TAF1A: variants seen among roughly 807,000 people sequenced by gnomAD.
TAF1A encodes the protein TATA box-binding protein-associated factor RNA polymerase I subunit A.
A neutral mutation model predicts 61.6 loss-of-function variants in TAF1A; 42 were observed. The observed-to-expected ratio is 0.68, with a 90% CI of 0.53 to 0.88. The LOEUF is 0.88. Ranked by LOEUF, TAF1A falls within the 40% of genes least tolerant of loss-of-function variation. The pLI is 0.00. For missense variants in TAF1A, 424 were observed against 518.7 expected (o/e 0.82, Z 1.77); for synonymous variants, 179 against 177.7 (o/e 1.01, Z -0.06).
chr1:222,570,421 T>A, intron 6 of TAF1A, 114 bp downstream of exon 6: 2 of 1,164,198 alleles, frequency 1.7e-6, no homozygotes, highest in East Asian at 2.5e-5. Flanking sequence ...TTTTGCTTTC[T>A]TTTAAATAAT....
intron 7 of TAF1A, chr1:222,569,077 G>T: frequency 4.5e-6 from 1 of 223,776 alleles, no homozygotes; most frequent in Non-Finnish European, 8.6e-6. Context: ...TGGGGCCATG[G>T]TTGTGGGGAC....
intron 2 of TAF1A, among the ~76,000 whole-genome samples, 181 bp downstream of exon 2, chr1:222,588,262 C>T (rs193021113): frequency 6.6e-6 from 1 of 152,248 alleles, no homozygotes; most frequent in Non-Finnish European, 1.5e-5. Context: ...TACAGACTAT[C>T]TATTATTAAT....
intron 2 of TAF1A, among the ~76,000 whole-genome samples, chr1:222,584,995 T>C (rs2102681353): frequency 6.6e-6 from 1 of 152,354 alleles, no homozygotes; most frequent in South Asian, 2.1e-4. Flanking sequence ...TTAAAACAAT[T>C]AACTTGCAGA....
intron 3 of TAF1A, among the ~76,000 whole-genome samples, chr1:222,582,944 G>A (rs753560504): frequency 4.1e-4 from 63 of 152,188 alleles, no homozygotes; most frequent in Admixed American, 9.8e-4. Flanking sequence ...GCACTTTGGG[G>A]AGGCCGAGGT....
intron 5 of TAF1A, among the ~76,000 whole-genome samples, chr1:222,571,369 G>C (rs1660343700): frequency 6.6e-6 from 1 of 151,936 alleles, no homozygotes; most frequent in Non-Finnish European, 1.5e-5. Flanking sequence ...TTATATTGGT[G>C]GTTCCAGCCA....
rs1297102249 is a variant in TAF1A, at chr1:222,569,630, C to T, written c.774G>A (p.Glu258=). The T allele has an allele frequency of 6.2e-7, 1 of 1,613,704 alleles. No individual in the cohort carries two copies. The highest frequency in any genetic ancestry group is 1.3e-5 in the African/African-American group (1 of 74,892). The change falls in exon 7 of 11, where the codon GAG becomes GAA. Residue 258 remains glutamate, a synonymous_variant. Transcript: ENST00000352967. ...CATCATATGCATAATTGGTGAGTAC[C>T]TCTTGGGCTCCATCTCGATCCCCAT... ...EFYGDRDGAQ[E]VLTNYAYDEK... is the part of the protein sequence containing the mutation.
intron 7 of TAF1A, among the ~76,000 whole-genome samples, chr1:222,565,495 T>C (rs531901248): frequency 2.0e-5 from 3 of 152,376 alleles, no homozygotes; most frequent in Admixed American, 1.3e-4. Flanking sequence ...AGTTATTTTC[T>C]GTAGCATTTT....
Position 222,569,544 on chromosome 1 carries a change from T to C in TAF1A, c.860A>G (p.Lys287Arg). ...ACTTATCAATTTTGATCTTGGTGCCTTCTGTCTCTTTAGAAAGTTGTATAA... is the reference window on the plus strand; with the variant it reads ...ACTTATCAATTTTGATCTTGGTGCCCTCTGTCTCTTTAGAAAGTTGTATAA... The part of the protein sequence containing the change: ...IYLYNFLKRQ[K>R]APRSKLISVL... Residue 287 changes from lysine to arginine, a missense_variant, in exon 7 of 11, where the codon AAG (lysine) becomes AGG (arginine). Physicochemically the swap from Lys to Arg is conservative, Grantham distance 26. Coordinates refer to ENST00000352967, the MANE Select transcript of TAF1A (RefSeq NM_005681.4). 2 of 1,614,068 alleles carry C rather than the reference T, an allele frequency of 1.2e-6. No individual in the cohort carries two copies. The highest frequency in any genetic ancestry group is 1.7e-6 in the Non-Finnish European group (2 of 1,179,962).
intron 10 of TAF1A, among the ~76,000 whole-genome samples, chr1:222,560,844 T>C (rs1659884615): frequency 6.6e-6 from 1 of 152,126 alleles, no homozygotes. Context: ...AGGTAAGAAT[T>C]TTACCACCCA....
chr1:222,584,082 T>G, intron 3 of TAF1A, 46 bp downstream of exon 3: 1 of 1,590,776 alleles, frequency 6.3e-7, no homozygotes, highest in Non-Finnish European at 8.5e-7. Flanking sequence ...AGGCATAAAC[T>G]TCTGGGAATC....
chr1:222,559,561 TAC>T (rs1659829230), intron 10 of TAF1A, among the ~76,000 whole-genome samples: 1 of 152,244 alleles, frequency 6.6e-6, no homozygotes, highest in Non-Finnish European at 1.5e-5. Flanking sequence ...TTAATTTCAT[TAC>T]AGTTTCAGCT....
rs1558146102 is a variant in TAF1A, at chr1:222,570,424, TA to T, written c.735+110del. 50 of 1,180,084 alleles carry T rather than the reference TA, an allele frequency of 4.2e-5. 1 individual carries two copies. The South Asian group carries it at 1.0e-3, about 24-fold the overall frequency. The allele number at this position is 1,180,084 out of a possible 1,614,324, so 73.1% of individuals were successfully genotyped here. ...GAGACACCGTATTTTTGCTTTCTTT[TA>T]AATAATTTTTTCCATTAGTTTCTTT... On this transcript the variant is annotated intron_variant, in intron 6 of 10. Coordinates refer to ENST00000352967, the MANE Select transcript of TAF1A (RefSeq NM_005681.4).
chr1:222,569,142 T>C, intron 7 of TAF1A: 1 of 652,986 alleles, frequency 1.5e-6, no homozygotes. Context: ...AAATGTTCTA[T>C]ATCATGATTA....
intron 4 of TAF1A, among the ~76,000 whole-genome samples, chr1:222,579,110 C>A (rs569789576): frequency 6.6e-6 from 1 of 152,116 alleles, no homozygotes; most frequent in Non-Finnish European, 1.5e-5. Context: ...TAAGTAGAAC[C>A]GTAAACTGCC....
chr1:222,571,065 C>A (rs78750183), intron 5 of TAF1A, among the ~76,000 whole-genome samples: 18,746 of 152,120 alleles, frequency 0.12, 1,297 homozygotes, highest in Middle Eastern at 0.2. Flanking sequence ...ATCTGAAAAT[C>A]AATTAATGCA....
intron 9 of TAF1A, 36 bp downstream of exon 9, chr1:222,563,137 A>G (rs1416483426): frequency 1.3e-6 from 2 of 1,518,114 alleles, no homozygotes; most frequent in Non-Finnish European, 1.8e-6. Flanking sequence ...AATATTATTT[A>G]TGATGACCTA....
chr1:222,570,516 T>C lies in TAF1A; in HGVS notation c.735+19A>G. Reference sequence around the variant, plus strand: ...TTTGACAAAATAAAACCAATAAATTTAATGAAAATTCTACTTACTTCTACA... The same window carrying C: ...TTTGACAAAATAAAACCAATAAATTCAATGAAAATTCTACTTACTTCTACA... On this transcript the variant is annotated intron_variant, in intron 6 of 10. Transcript: ENST00000352967. 6.3e-7 allele frequency: 1 copy of C among 1,589,230 alleles called. No homozygotes were observed. Among genetic ancestry groups the C allele is most frequent in the Non-Finnish European group, 8.6e-7 (1 of 1,163,610 alleles).
Position 222,588,495 on chromosome 1 carries a change from G to A in TAF1A, c.69C>T (p.Leu23=), listed in dbSNP as rs756819287. The change falls in exon 2 of 11, where the codon CTC becomes CTT. Residue 23 remains leucine, a synonymous_variant. Coordinates refer to ENST00000352967, the MANE Select transcript of TAF1A (RefSeq NM_005681.4). ...AAGGAAAATGCATTCCTGCACCACT[G>A]AGCACAGATGTTTCCACTTCTTCAT... ...TDDEEVETSV[L]SGAGMHFPWL... is the part of the protein sequence containing the mutation. 6.8e-6 allele frequency: 11 copies of A among 1,613,996 alleles called. No individual in the cohort carries two copies. The South Asian group carries it at 1.2e-4, about 18-fold the overall frequency.
At chr1:222,575,211 T>C (rs1660519161) in intron 5 of TAF1A, among the ~76,000 whole-genome samples, 1 of 151,930 alleles carries the variant, frequency 6.6e-6, no homozygotes, top group Non-Finnish European at 1.5e-5. Flanking sequence ...TAAGACATTA[T>C]ATGGAAAAAA....
Sources: gnomAD v4.1 joint callset for allele counts (sites outside exome capture counted in the v4.1 genomes callset) on GRCh38, gnomAD v4.1.1 for gene constraint, MANE v1.5 for transcripts, NCBI Gene and HGNC (gene_info 2026-07-23, HGNC 2026-07-21) for gene names.